KCNH8: variants seen among roughly 807,000 people sequenced by gnomAD.
KCNH8 encodes the protein potassium voltage-gated channel subfamily H member 8.
Under a neutral mutation model 103.6 loss-of-function variants are expected in KCNH8, and 70 were observed. The observed-to-expected ratio is 0.68, with a 90% CI of 0.56 to 0.82. KCNH8 has a LOEUF of 0.82. KCNH8 is among the 40% of genes least tolerant of loss of function. The pLI is 0.00. For synonymous variants in KCNH8, 498 were observed against 489.4 expected (o/e 1.02, Z -0.23); for missense variants, 1,217 against 1,329.9 (o/e 0.92, Z 1.32).
intron 11 of KCNH8, among the ~76,000 whole-genome samples, chr3:19,500,862 T>C (rs988467525): frequency 7.3e-5 from 11 of 151,616 alleles, no homozygotes; most frequent in African/African-American, 1.5e-4. Flanking sequence ...AACATGACAA[T>C]TAAAAGATCT....
intron 7 of KCNH8, among the ~76,000 whole-genome samples, chr3:19,415,048 A>C (rs915887975): frequency 6.6e-6 from 1 of 152,032 alleles, no homozygotes; most frequent in African/African-American, 2.4e-5. Flanking sequence ...TTGGTGCATA[A>C]GATTTTTAGA....
At position 19,456,728 on chromosome 3, in the gene KCNH8, G is replaced by GT. The variant is rs536041267; in HGVS notation, c.1826-40_1826-39insT. The GT allele has an allele frequency of 6.1e-3, 8,035 of 1,321,962 alleles. 27 individuals carry two copies. Among genetic ancestry groups the GT allele is most frequent in the South Asian group, 0.016 (1,316 of 84,056 alleles). The allele number at this position is 1,321,962 out of a possible 1,614,324, so 81.9% of individuals were successfully genotyped here. ...AAATGAGGTTATCAGTCCTAAGCTT[G>GT]CTTTTTTTTTTTGAAAATGATCTCT... is the stretch of plus-strand genomic sequence containing the variant. On this transcript the variant is annotated intron_variant, in intron 10 of 15. Coordinates refer to ENST00000328405, the MANE Select transcript of KCNH8 (RefSeq NM_144633.3).
intron 3 of KCNH8, among the ~76,000 whole-genome samples, chr3:19,295,234 T>G (rs2125284993): frequency 6.6e-6 from 1 of 151,630 alleles, no homozygotes; most frequent in Non-Finnish European, 1.5e-5. Context: ...TGAAAAAAAA[T>G]TTAGCCTGGT....
intron 3 of KCNH8, among the ~76,000 whole-genome samples, chr3:19,339,332 A>C (rs2065627128): frequency 6.6e-6 from 1 of 152,118 alleles, no homozygotes; most frequent in Admixed American, 6.6e-5. Context: ...TTGTAATTCC[A>C]CTTGACATTT....
chr3:19,516,735 C>A (rs1468340518), intron 14 of KCNH8, among the ~76,000 whole-genome samples: 1 of 151,990 alleles, frequency 6.6e-6, no homozygotes, highest in Non-Finnish European at 1.5e-5. Context: ...TCCAAAATAT[C>A]TCTTAGTTCC....
chr3:19,273,286 A>G (rs2064616628), intron 2 of KCNH8, among the ~76,000 whole-genome samples: 1 of 152,196 alleles, frequency 6.6e-6, no homozygotes, highest in Admixed American at 6.5e-5. Context: ...AAGAAATCTT[A>G]AATTGCTTTT....
chr3:19,286,906 A>C (rs1559459748), intron 3 of KCNH8, among the ~76,000 whole-genome samples: 1 of 152,202 alleles, frequency 6.6e-6, no homozygotes, highest in African/African-American at 2.4e-5. Context: ...CCTAGCAAAC[A>C]TAATTAATGA....
chr3:19,420,623 G>C (rs575267372), intron 7 of KCNH8, among the ~76,000 whole-genome samples: 76 of 152,308 alleles, frequency 5.0e-4, no homozygotes, highest in South Asian at 4.1e-4. Flanking sequence ...CCACTCAGGA[G>C]TAATCCATAA....
chr3:19,390,757 T>A, intron 6 of KCNH8, 119 bp downstream of exon 6: 1 of 893,032 alleles, frequency 1.1e-6, no homozygotes. Context: ...TCAATAAAGA[T>A]GCCCTGATGC....
chr3:19,177,401 T>A (rs2063410973), intron 1 of KCNH8, among the ~76,000 whole-genome samples: 1 of 152,130 alleles, frequency 6.6e-6, no homozygotes, highest in Non-Finnish European at 1.5e-5. Flanking sequence ...ATGATTGTCA[T>A]GCATCTATGA....
intron 7 of KCNH8, among the ~76,000 whole-genome samples, chr3:19,409,058 C>T (rs1039194983): frequency 6.6e-6 from 1 of 151,938 alleles, no homozygotes; most frequent in African/African-American, 2.4e-5. Flanking sequence ...ATCACCAAGA[C>T]ATATAACCAC....
rs530261639 is a variant in KCNH8 at position 19,192,950 on chromosome 3, T to C, written c.76+44155T>C. ...GAAATTTAACCCAATCAAATATTGT[T>C]AGAAGCATTAGTCTTCTTTTAAGGG... On this transcript the variant is annotated intron_variant, in intron 1 of 15. Transcript: ENST00000328405. Among the ~76,000 whole-genome samples, 33 of 151,822 alleles carry C rather than the reference T, an allele frequency of 2.2e-4. 1 individual carries two copies. Among genetic ancestry groups the C allele is most frequent in the African/African-American group, 7.9e-4 (33 of 41,526 alleles).
chr3:19,484,148 C>A (rs912165952), intron 11 of KCNH8, among the ~76,000 whole-genome samples: 2 of 152,218 alleles, frequency 1.3e-5, no homozygotes, highest in South Asian at 2.1e-4. Context: ...ATTTATGAGT[C>A]CTCACCAGTC....
chr3:19,372,539 C>T (rs2066116805), intron 5 of KCNH8, among the ~76,000 whole-genome samples: 1 of 152,154 alleles, frequency 6.6e-6, no homozygotes, highest in Non-Finnish European at 1.5e-5. Context: ...TTCTAGAATA[C>T]AATCATGTCG....
In KCNH8 at chr3:19,451,145, TCTC is replaced by T; in HGVS notation, c.1576-9_1576-7del. ...CCCAATTTGATTTCCTCCTTCATCT[TCTC>T]TGACAGCTTTTGAAAGACTTTCCAG... On this transcript the variant is annotated splice_region_variant and splice_polypyrimidine_tract_variant and intron_variant, in intron 9 of 15. Coordinates refer to ENST00000328405, the MANE Select transcript of KCNH8 (RefSeq NM_144633.3). 1 of 1,613,350 alleles carries T rather than the reference TCTC, an allele frequency of 6.2e-7. No individual in the cohort carries two copies. The highest frequency in any genetic ancestry group is 1.1e-5 in the South Asian group (1 of 91,072).
At chr3:19,223,549 G>A (rs1331326328) in intron 1 of KCNH8, among the ~76,000 whole-genome samples, 1 of 151,936 alleles carries the variant, frequency 6.6e-6, no homozygotes, top group Non-Finnish European at 1.5e-5. Context: ...TGTTCATGCT[G>A]AGCTTGTATA....
intron 7 of KCNH8, among the ~76,000 whole-genome samples, chr3:19,417,257 A>G (rs1387948983): frequency 6.6e-6 from 1 of 150,542 alleles, no homozygotes; most frequent in Non-Finnish European, 1.5e-5. Flanking sequence ...CAGTATTTAT[A>G]GGTATTTATA....
In KCNH8 at chr3:19,452,327, G is replaced by GT. The variant is rs2067461226; in HGVS notation, c.1825+924dup. Among the ~76,000 whole-genome samples the GT allele has an allele frequency of 2.6e-5, 4 of 152,262 alleles. No individual in the cohort carries two copies. In the East Asian group the frequency reaches 7.7e-4, roughly 29 times the overall value. ...TTGAGTCCCAGAGGTGGAGGGTGCA[G>GT]TAAGCCAAGATAGTGCCACTGAACT... On this transcript the variant is annotated intron_variant, in intron 10 of 15. Transcript: ENST00000328405.
At chr3:19,337,019 C>A (rs973824926) in intron 3 of KCNH8, among the ~76,000 whole-genome samples, 4 of 151,866 alleles carry the variant, frequency 2.6e-5, no homozygotes, top group African/African-American at 9.7e-5. Flanking sequence ...TAGGAGAGAT[C>A]CATTTTGACC....
Sources: allele counts gnomAD v4.1 joint callset (sites outside exome capture counted in the v4.1 genomes callset), GRCh38; gene constraint gnomAD v4.1.1; transcripts MANE v1.5; gene names NCBI Gene and HGNC (gene_info 2026-07-23, HGNC 2026-07-21).